The following CTPS2 variants were observed in gnomAD, a reference collection of about 807,000 sequenced individuals.
CTPS2 encodes the protein CTP synthase II.
In CTPS2, 19 loss-of-function variants were observed where a neutral mutation model predicts 46.8. That is an observed-to-expected ratio of 0.41 (90% CI 0.28 to 0.60). CTPS2 has a LOEUF of 0.60. CTPS2 is among the 20% of genes least tolerant of loss of function. CTPS2 has a pLI of 0.35. For synonymous variants in CTPS2, 151 were observed against 165.2 expected, an observed-to-expected ratio of 0.91 and a Z score of 0.66; for missense variants, 286 against 447.6, an observed-to-expected ratio of 0.64 and a Z score of 3.26.
At chrX:16,673,129 G>A (rs1237834513) in intron 10 of CTPS2, among the ~76,000 whole-genome samples, 4 of 109,021 alleles carry the variant, frequency 3.7e-5, no homozygotes, top group Admixed American at 9.8e-5. Flanking sequence ...CTCGTGATCC[G>A]CCCGCCTCGG....
chrX:16,701,247 G>A (rs1308927405), intron 2 of CTPS2, among the ~76,000 whole-genome samples: 1 of 111,818 alleles, frequency 8.9e-6, no homozygotes, highest in African/African-American at 3.2e-5. Flanking sequence ...TTTAAAACAC[G>A]ATATTCAAGG....
intron 10 of CTPS2, among the ~76,000 whole-genome samples, chrX:16,674,560 C>T (rs992440804): frequency 2.0e-4 from 22 of 110,505 alleles, no homozygotes; most frequent in Non-Finnish European, 3.4e-4. Context: ...TTACGCAGGC[C>T]GGGCATGGTG....
rs1026355603 is a variant in CTPS2, at chrX:16,645,195, G to A, written c.1297-5952C>T. ...TTTTTAGTAGAGACGGGGTTTCACC[G>A]TGTTAGCCAGGATGGTCTCGATCTC... is the stretch of plus-strand genomic sequence containing the variant. On this transcript the variant is annotated intron_variant, in intron 13 of 18. Transcript: ENST00000359276. Among the ~76,000 whole-genome samples, 8 of 105,833 alleles carry A rather than the reference G, an allele frequency of 7.6e-5. No homozygotes were observed. In the East Asian group the frequency reaches 1.5e-3, roughly 20 times the overall value. The allele number at this position is 105,833 out of a possible 115,157, so 91.9% of individuals were successfully genotyped here.
chrX:16,659,221 A>T (rs775805062), intron 13 of CTPS2, among the ~76,000 whole-genome samples: 28 of 111,582 alleles, frequency 2.5e-4, no homozygotes, highest in Non-Finnish European at 7.5e-5. Flanking sequence ...CAACTCCAAC[A>T]TATATAAAGT....
chrX:16,606,597 T>C (rs955268949), intron 17 of CTPS2, among the ~76,000 whole-genome samples: 3 of 111,765 alleles, frequency 2.7e-5, no homozygotes, highest in Non-Finnish European at 5.6e-5. Flanking sequence ...CAATTTGTGG[T>C]TGATACACGT....
chrX:16,610,409 T>C (rs1162412919), intron 16 of CTPS2, among the ~76,000 whole-genome samples: 2 of 110,674 alleles, frequency 1.8e-5, no homozygotes, highest in East Asian at 2.8e-4. Flanking sequence ...AATCACAAAT[T>C]CCCATCACTT....
chrX:16,657,143 G>A (rs1932838715), intron 13 of CTPS2, among the ~76,000 whole-genome samples: 1 of 105,577 alleles, frequency 9.5e-6, no homozygotes, highest in African/African-American at 3.5e-5. Context: ...ACCCACCTTC[G>A]TCTCCCAAAG....
In CTPS2 at chrX:16,658,990, A is replaced by T. The variant is rs184268133; in HGVS notation, c.1296+8524T>A. On this transcript the variant is annotated intron_variant, in intron 13 of 18. Transcript: ENST00000359276. ...AGGATAAACACACTACTCAGTCATG[A>T]TCATTCTTTAATGCTGTTAAATTGG... Among the ~76,000 whole-genome samples, 7 of 112,224 alleles carry T rather than the reference A, an allele frequency of 6.2e-5. No homozygotes were observed. The East Asian group carries it at 2.0e-3, about 31-fold the overall frequency.
Position 16,620,307 on chromosome X carries a change from A to C in CTPS2, c.1419T>G (p.Phe473Leu), listed in dbSNP as rs367685844. The stretch of plus-strand genomic sequence containing the variant: ...ACCGATGTCTGTGTCTTTCTTCTAT[A>C]AAAGGAACATCACCATAAAGTTTCC... ...ILRKLYGDVP[F>L]IEERHRHRFE... The change falls in exon 15 of 19, where the codon TTT (phenylalanine) becomes TTG (leucine). Residue 473 changes from phenylalanine (F) to leucine (L), a missense_variant. Phe to Leu is a conservative substitution (Grantham distance 22). Transcript: ENST00000359276. The C allele has an allele frequency of 1.7e-6, 2 of 1,201,428 alleles. No homozygotes were observed. The highest frequency in any genetic ancestry group is 3.5e-5 in the African/African-American group (2 of 56,940).
chrX:16,607,690 A>G (rs1008038911), intron 17 of CTPS2, among the ~76,000 whole-genome samples: 6 of 113,004 alleles, frequency 5.3e-5, no homozygotes, highest in Non-Finnish European at 1.1e-4. Flanking sequence ...TGCACACCAC[A>G]CACAGATCCT....
chrX:16,710,102 C>CA (rs1401932415), intron 1 of CTPS2, among the ~76,000 whole-genome samples: 4 of 109,917 alleles, frequency 3.6e-5, no homozygotes, highest in African/African-American at 9.9e-5. Context: ...GCCATAAAGC[C>CA]AAAAAATATG....
Position 16,702,739 on chromosome X carries a change from T to TA in CTPS2, c.163_164insT (p.His55LeufsTer3), listed in dbSNP as rs1924679567. 8.3e-7 allele frequency: 1 copy of TA among 1,207,829 alleles called. No homozygotes were observed. The highest frequency in any genetic ancestry group is 1.1e-6 in the Non-Finnish European group (1 of 893,562). On this transcript the variant is annotated frameshift_variant, in exon 2 of 19. Coordinates refer to ENST00000359276, the MANE Select transcript of CTPS2 (RefSeq NM_175859.3). LOFTEE classifies it high-confidence loss of function. ...GGGGAAGTGGTTCACTTTCGTACCG[T>TA]GTTCATAAGGTGAAAAAGTGCCAGC...
At chrX:16,691,732 TC>T (rs1355138802) in intron 6 of CTPS2, 112 bp from the exon 7 acceptor site, 16 of 552,006 alleles carry the variant, frequency 2.9e-5, no homozygotes, top group Non-Finnish European at 5.0e-5. Flanking sequence ...CTTTGGACAT[TC>T]CACTGGACTA....
intron 13 of CTPS2, among the ~76,000 whole-genome samples, chrX:16,659,649 C>G (rs1932898835): frequency 9.1e-6 from 1 of 110,297 alleles, no homozygotes; most frequent in African/African-American, 3.3e-5. Flanking sequence ...TGTATATATT[C>G]AAGGTGTACA....
At chrX:16,631,355 A>T (rs1166391615) in intron 14 of CTPS2, among the ~76,000 whole-genome samples, 2 of 107,009 alleles carry the variant, frequency 1.9e-5, no homozygotes, top group African/African-American at 3.4e-5. Flanking sequence ...CTCAAAAAAA[A>T]AAAAAAATTA....
chrX:16,629,407 C>T (rs949724645), intron 14 of CTPS2, among the ~76,000 whole-genome samples: 3 of 111,838 alleles, frequency 2.7e-5, no homozygotes, highest in Non-Finnish European at 5.6e-5. Flanking sequence ...GAAGCCCTGC[C>T]GTGCTCCTCT....
At chrX:16,670,549 C>T (rs1238141312) in intron 11 of CTPS2, 31 bp downstream of exon 11, 1 of 1,086,803 alleles carries the variant, frequency 9.2e-7, no homozygotes, top group Non-Finnish European at 1.3e-6. Context: ...CTAATAAACT[C>T]ATAGTTAGGG....
intron 18 of CTPS2, 47 bp from the exon 19 acceptor site, chrX:16,589,822 A>C (rs1928794739): frequency 8.9e-6 from 1 of 112,563 alleles, no homozygotes; most frequent in Non-Finnish European, 1.9e-5. Context: ...GAACTGAATA[A>C]TACAAGTCTT....
At chrX:16,684,807 C>G (rs752817900) in intron 8 of CTPS2, among the ~76,000 whole-genome samples, 23 of 111,397 alleles carry the variant, frequency 2.1e-4, no homozygotes, top group Non-Finnish European at 1.7e-4. Flanking sequence ...ATGCAGGTAA[C>G]GGGCCGGGCG....
Sources: gnomAD v4.1 joint callset for allele counts (sites outside exome capture counted in the v4.1 genomes callset) on GRCh38, gnomAD v4.1.1 for gene constraint, MANE v1.5 for transcripts, NCBI Gene and HGNC (gene_info 2026-07-23, HGNC 2026-07-21) for gene names.